The following GPC5 variants were observed in gnomAD, a reference collection of about 807,000 sequenced individuals.
GPC5 encodes the protein glypican 5, also known as glypican-5.
GPC5 carries 47 observed loss-of-function variants against 53.9 expected under a neutral mutation model. That is an observed-to-expected ratio of 0.87 (90% CI 0.69 to 1.11). The LOEUF (loss-of-function observed/expected upper bound fraction) is 1.11, where lower values mean the gene tolerates loss of function less well. Among genes scored for constraint, GPC5 ranks in the 50% most tolerant of loss-of-function variants. GPC5 has a pLI of 0.00. For synonymous variants in GPC5, 286 were observed against 263.3 expected (o/e 1.09, Z -0.84); for missense variants, 748 against 713.1 (o/e 1.05, Z -0.56).
chr13:92,013,819 T>C (rs2040682959), intron 6 of GPC5, among the ~76,000 whole-genome samples: 1 of 152,166 alleles, frequency 6.6e-6, no homozygotes, highest in Non-Finnish European at 1.5e-5. Flanking sequence ...AAATTTTTAT[T>C]ATATTGCAAT....
At chr13:92,829,095 G>A (rs1877956778) in intron 7 of GPC5, among the ~76,000 whole-genome samples, 1 of 152,084 alleles carries the variant, frequency 6.6e-6, no homozygotes, top group Admixed American at 6.6e-5. Flanking sequence ...TCTAAGTTAG[G>A]AATGGAAACA....
chr13:91,926,620 C>T (rs2039771368), intron 6 of GPC5, among the ~76,000 whole-genome samples: 1 of 152,142 alleles, frequency 6.6e-6, no homozygotes, highest in African/African-American at 2.4e-5. Context: ...ATGCCGGCTT[C>T]TGTTGCCTTA....
At chr13:91,423,519 A>G (rs1980735) in intron 1 of GPC5, among the ~76,000 whole-genome samples, 3,873 of 152,242 alleles carry the variant, frequency 0.025, 161 homozygotes, top group African/African-American at 0.087. Context: ...TTGGATATAC[A>G]TAGGCTTAAG....
chr13:91,448,928 T>C lies in GPC5; in HGVS notation c.325+6T>C, dbSNP rs1037974830. 1.2e-6 allele frequency: 2 copies of C among 1,611,620 alleles called. No homozygotes were observed. The highest frequency in any genetic ancestry group is 1.7e-5 in the Admixed American group (1 of 59,644). On this transcript the variant is annotated splice_donor_region_variant and intron_variant, in intron 2 of 7. Transcript: ENST00000377067. ...AAATGCGGCTGCTTTTCAAGGTAAGTGGATCTTGAATTCTGCAACTAAGGA... is the reference window on the plus strand; with the variant it reads ...AAATGCGGCTGCTTTTCAAGGTAAGCGGATCTTGAATTCTGCAACTAAGGA...
chr13:92,008,842 T>C (rs1474870718), intron 6 of GPC5, among the ~76,000 whole-genome samples: 1 of 152,200 alleles, frequency 6.6e-6, no homozygotes, highest in Non-Finnish European at 1.5e-5. Context: ...GTTAGTATGC[T>C]CTGTTCATTT....
chr13:92,719,271 A>G (rs143277423), intron 7 of GPC5, among the ~76,000 whole-genome samples: 1 of 151,912 alleles, frequency 6.6e-6, no homozygotes, highest in African/African-American at 2.4e-5. Context: ...CAAATGACAC[A>G]TAAGAAAATG....
chr13:92,677,715 G>A (rs1308102646), intron 7 of GPC5, among the ~76,000 whole-genome samples: 9 of 152,170 alleles, frequency 5.9e-5, no homozygotes. Context: ...TGGCTCAGGA[G>A]GACAGTATGT....
At chr13:92,111,631 A>T (rs2041557440) in intron 6 of GPC5, among the ~76,000 whole-genome samples, 1 of 152,198 alleles carries the variant, frequency 6.6e-6, no homozygotes, top group African/African-American at 2.4e-5. Context: ...GTGCTATAGC[A>T]AGGTGCTACA....
intron 7 of GPC5, among the ~76,000 whole-genome samples, chr13:92,337,449 A>G (rs1594110201): frequency 2.0e-5 from 3 of 152,254 alleles, no homozygotes; most frequent in African/African-American, 4.8e-5. Flanking sequence ...TAATGTTTAT[A>G]TGGAGAGGCA....
At chr13:91,584,353 T>C (rs1013249648) in intron 2 of GPC5, among the ~76,000 whole-genome samples, 9 of 152,300 alleles carry the variant, frequency 5.9e-5, no homozygotes, top group African/African-American at 2.2e-4. Context: ...GTAATTTTTC[T>C]GTTTTGATAA....
intron 6 of GPC5, among the ~76,000 whole-genome samples, chr13:91,956,993 A>T (rs2040079329): frequency 2.6e-5 from 4 of 152,158 alleles, no homozygotes; most frequent in Admixed American, 2.6e-4. Context: ...TAAATTTTTG[A>T]AAACCAAGAA....
chr13:91,816,059 G>A (rs550912986), intron 5 of GPC5, among the ~76,000 whole-genome samples: 1 of 152,246 alleles, frequency 6.6e-6, no homozygotes, highest in African/African-American at 2.4e-5. Flanking sequence ...TTTAAGTGCT[G>A]TGATCCTCAG....
At chr13:92,237,753 A>T (rs2042580781) in intron 7 of GPC5, among the ~76,000 whole-genome samples, 1 of 152,268 alleles carries the variant, frequency 6.6e-6, no homozygotes, top group South Asian at 2.1e-4. Flanking sequence ...TTGCACAAAC[A>T]CTACCACAAT....
At chr13:92,409,903 A>C (rs753908286) in intron 7 of GPC5, among the ~76,000 whole-genome samples, 20 of 152,184 alleles carry the variant, frequency 1.3e-4, no homozygotes, top group Non-Finnish European at 2.8e-4. Flanking sequence ...ATACGACTTT[A>C]AGGAGAAGGA....
At chr13:91,579,078 G>A (rs1252684558) in intron 2 of GPC5, among the ~76,000 whole-genome samples, 4 of 152,000 alleles carry the variant, frequency 2.6e-5, no homozygotes, top group Non-Finnish European at 5.9e-5. Context: ...AATTTTAAAG[G>A]TTTACTTTGG....
At chr13:91,755,904 G>A (rs759604407) in intron 4 of GPC5, among the ~76,000 whole-genome samples, 2 of 151,956 alleles carry the variant, frequency 1.3e-5, no homozygotes, top group Non-Finnish European at 2.9e-5. Flanking sequence ...TCTCGTGGTG[G>A]CTTAGATGAT....
At chr13:91,977,360 T>A (rs888708550) in intron 6 of GPC5, among the ~76,000 whole-genome samples, 1 of 152,202 alleles carries the variant, frequency 6.6e-6, no homozygotes, top group Non-Finnish European at 1.5e-5. Flanking sequence ...TATTCCTTAA[T>A]GTGGGGAAAA....
At chr13:91,650,753 T>TTTG (rs1488242737) in intron 2 of GPC5, among the ~76,000 whole-genome samples, 4 of 133,380 alleles carry the variant, frequency 3.0e-5, no homozygotes, top group African/African-American at 6.5e-5. Flanking sequence ...CCCATAAGTT[T>TTTG]TTTTTTTTTT....
chr13:91,481,584 G>T (rs976694475), intron 2 of GPC5, among the ~76,000 whole-genome samples: 2 of 152,150 alleles, frequency 1.3e-5, no homozygotes, highest in African/African-American at 4.8e-5. Flanking sequence ...CAAATTCCTG[G>T]CGATGTGAAC....
Sources: allele counts gnomAD v4.1 joint callset (sites outside exome capture counted in the v4.1 genomes callset), GRCh38; gene constraint gnomAD v4.1.1; transcripts MANE v1.5; gene names NCBI Gene and HGNC (gene_info 2026-07-23, HGNC 2026-07-21).